The following SPMIP7 variants were observed in gnomAD, a reference collection of about 807,000 sequenced individuals.
SPMIP7 encodes the protein protein SPMIP7.
the SPMIP7 span, among the ~76,000 whole-genome samples, chr7:50,115,997 G>A: frequency 6.6e-6 from 1 of 152,060 alleles, no homozygotes; most frequent in African/African-American, 2.4e-5. Flanking sequence ...GCCCAGTTAA[G>A]CAAACATAAA....
the SPMIP7 span, among the ~76,000 whole-genome samples, chr7:50,108,867 T>A: frequency 1.7e-3 from 252 of 152,268 alleles, 8 homozygotes; most frequent in South Asian, 0.05. Flanking sequence ...GTACAGGGGA[T>A]TGGGTTGTAA....
At chr7:50,108,211 T>C in the SPMIP7 span, among the ~76,000 whole-genome samples, 1 of 152,136 alleles carries the variant, frequency 6.6e-6, no homozygotes, top group African/African-American at 2.4e-5. Context: ...TTTAGTCCCT[T>C]CTCTATGAAA....
At chr7:50,137,366 G>A in the SPMIP7 span, among the ~76,000 whole-genome samples, 2 of 151,924 alleles carry the variant, frequency 1.3e-5, no homozygotes, top group African/African-American at 4.8e-5. Flanking sequence ...TGTGTTTCTA[G>A]GAGTTTGTTT....
chr7:50,151,324 AG>A, the SPMIP7 span: 2 of 788,390 alleles, frequency 2.5e-6, no homozygotes, highest in Non-Finnish European at 4.0e-6. Context: ...CACCTCATAC[AG>A]GAAAAAAAAA....
the SPMIP7 span, among the ~76,000 whole-genome samples, chr7:50,110,345 A>G: frequency 6.7e-6 from 1 of 150,240 alleles, no homozygotes; most frequent in Admixed American, 6.6e-5. Context: ...TCTTTTCTAC[A>G]TAGCAATGAT....
the SPMIP7 span, chr7:50,141,727 CTT>C: frequency 6.2e-4 from 48 of 76,936 alleles, 1 homozygote; most frequent in Admixed American, 1.8e-3. Context: ...AGAGGAATCA[CTT>C]TTTTTTTTTT....
At chr7:50,138,905 T>C in the SPMIP7 span, among the ~76,000 whole-genome samples, 1 of 152,134 alleles carries the variant, frequency 6.6e-6, no homozygotes, top group South Asian at 2.1e-4. Flanking sequence ...AAACTACCAT[T>C]TTATTGAACC....
the SPMIP7 span, among the ~76,000 whole-genome samples, chr7:50,154,824 A>G: frequency 1.3e-5 from 2 of 152,188 alleles, no homozygotes; most frequent in Non-Finnish European, 2.9e-5. Context: ...ATTCCCATCA[A>G]CAGTCTATCA....
chr7:50,096,326 C>T, the SPMIP7 span: 11 of 1,552,116 alleles, frequency 7.1e-6, no homozygotes, highest in Non-Finnish European at 9.6e-6. Flanking sequence ...CTATCATTTA[C>T]ATGATCCTTA....
chr7:50,109,795 C>A, the SPMIP7 span, among the ~76,000 whole-genome samples: 2 of 151,988 alleles, frequency 1.3e-5, no homozygotes, highest in Non-Finnish European at 2.9e-5. Flanking sequence ...GTAGAATAAC[C>A]CAAAATAATA....
the SPMIP7 span, among the ~76,000 whole-genome samples, chr7:50,154,302 G>T: frequency 1.3e-5 from 2 of 151,972 alleles, no homozygotes; most frequent in Non-Finnish European, 2.9e-5. Flanking sequence ...GCACTATGAC[G>T]CCCTGTAGTC....
the SPMIP7 span, chr7:50,159,015 T>C: frequency 5.8e-6 from 9 of 1,548,472 alleles, no homozygotes; most frequent in East Asian, 4.9e-5. Context: ...TTATGTCTCA[T>C]TTTCCTCCTT....
chr7:50,149,375 A>G, the SPMIP7 span, among the ~76,000 whole-genome samples: 1 of 152,322 alleles, frequency 6.6e-6, no homozygotes, highest in South Asian at 2.1e-4. Context: ...AGTGCTAACA[A>G]TTTGCTAGCT....
chr7:50,118,638 G>A, the SPMIP7 span, among the ~76,000 whole-genome samples: 1 of 152,146 alleles, frequency 6.6e-6, no homozygotes, highest in South Asian at 2.1e-4. Flanking sequence ...CAGCAACAGA[G>A]GAACCTATTT....
the SPMIP7 span, among the ~76,000 whole-genome samples, chr7:50,101,411 CT>C: frequency 1.3e-5 from 2 of 152,182 alleles, no homozygotes; most frequent in East Asian, 3.8e-4. Context: ...TTTTTTGAAC[CT>C]TTGCAGCTAT....
At chr7:50,109,228 T>C in the SPMIP7 span, among the ~76,000 whole-genome samples, 2 of 152,208 alleles carry the variant, frequency 1.3e-5, no homozygotes, top group African/African-American at 4.8e-5. Flanking sequence ...AATAGTTTTA[T>C]GTTGAAAATA....
the SPMIP7 span, chr7:50,159,114 C>G: frequency 5.3e-5 from 83 of 1,551,650 alleles, no homozygotes; most frequent in Non-Finnish European, 6.7e-5. Flanking sequence ...CTGGTCACAA[C>G]TGTGAGACCC....
the SPMIP7 span, chr7:50,141,745 T>TTTTTTATTTTTTTTTTTTA: frequency 6.4e-6 from 1 of 155,880 alleles, no homozygotes; most frequent in Non-Finnish European, 1.4e-5. Context: ...TTTTTTTTTT[T>TTTTTTATTTTTTTTTTTTA]TTGAGACGGA....
chr7:50,154,298 T>G, the SPMIP7 span, among the ~76,000 whole-genome samples: 1 of 152,194 alleles, frequency 6.6e-6, no homozygotes, highest in East Asian at 1.9e-4. Flanking sequence ...CGATGCACTA[T>G]GACGCCCTGT....
Sources: gnomAD v4.1 joint callset for allele counts (sites outside exome capture counted in the v4.1 genomes callset) on GRCh38, gnomAD v4.1.1 for gene constraint, MANE v1.5 for transcripts, NCBI Gene and HGNC (gene_info 2026-07-23, HGNC 2026-07-21) for gene names.